MARCHF1: variants seen among roughly 807,000 people sequenced by gnomAD.
The protein encoded by MARCHF1 is membrane associated ring-CH-type finger 1, also known as E3 ubiquitin-protein ligase MARCHF1.
MARCHF1 carries 40 observed loss-of-function variants against 54.2 expected under a neutral mutation model. The observed-to-expected ratio is 0.74, with a 90% CI of 0.57 to 0.96. The LOEUF is 0.96. Ranked by LOEUF, MARCHF1 falls within the 40% of genes least tolerant of loss-of-function variation. The pLI is 0.00. For synonymous variants in MARCHF1, 236 were observed against 236.3 expected (o/e 1.00, Z 0.01); for missense variants, 586 against 656.5 (o/e 0.89, Z 1.17).
chr4:164,320,951 G>A (rs1288910357), intron 1 of MARCHF1, among the ~76,000 whole-genome samples: 1 of 152,166 alleles, frequency 6.6e-6, no homozygotes, highest in Non-Finnish European at 1.5e-5. Flanking sequence ...TCGGAATAGA[G>A]ATCTTATACA....
intron 1 of MARCHF1, among the ~76,000 whole-genome samples, chr4:164,120,272 G>A (rs1378850162): frequency 2.0e-5 from 3 of 151,932 alleles, no homozygotes; most frequent in African/African-American, 7.2e-5. Flanking sequence ...GTCCAACTCA[G>A]CAAGATAATC....
At chr4:164,003,000 C>T (rs1753215118) in intron 2 of MARCHF1, among the ~76,000 whole-genome samples, 2 of 151,640 alleles carry the variant, frequency 1.3e-5, no homozygotes, top group Non-Finnish European at 2.9e-5. Context: ...GTTAGCATTC[C>T]TGAACTACAA....
At chr4:164,258,232 A>C in intron 1 of MARCHF1, among the ~76,000 whole-genome samples, 1 of 152,036 alleles carries the variant, frequency 6.6e-6, no homozygotes, top group East Asian at 1.9e-4. Context: ...GGAACATCAC[A>C]CACAGGGCCT....
In MARCHF1 at chr4:163,937,004, A is replaced by G. The variant is rs547052188; in HGVS notation, c.-39+51497T>C. The stretch of plus-strand genomic sequence containing the variant: ...TAACAAGTTAAATGTATAGCTGTAT[A>G]AATGAAATCACTCTCACCTTCTCCC... On this transcript the variant is annotated intron_variant, in intron 3 of 9. Transcript: ENST00000514618. Among the ~76,000 whole-genome samples, 4 of 152,318 alleles carry G rather than the reference A, an allele frequency of 2.6e-5. No individual in the cohort carries two copies. In the East Asian group the frequency reaches 7.7e-4, roughly 29 times the overall value.
intron 1 of MARCHF1, among the ~76,000 whole-genome samples, chr4:164,181,368 C>T (rs1350741821): frequency 6.6e-6 from 1 of 152,114 alleles, no homozygotes. Flanking sequence ...TATGTATACA[C>T]ACACAAGCGC....
intron 2 of MARCHF1, among the ~76,000 whole-genome samples, chr4:164,085,011 A>G (rs1451428232): frequency 6.6e-6 from 1 of 151,842 alleles, no homozygotes; most frequent in Non-Finnish European, 1.5e-5. Context: ...GATATTTATT[A>G]TATCACTTCC....
chr4:164,141,494 C>T (rs913365072), intron 1 of MARCHF1, among the ~76,000 whole-genome samples: 1 of 152,196 alleles, frequency 6.6e-6, no homozygotes, highest in Non-Finnish European at 1.5e-5. Flanking sequence ...AAATCAGGCT[C>T]CTAGCTATTC....
chr4:163,530,349 T>C (rs1738304230), intron 9 of MARCHF1: 1 of 151,902 alleles, frequency 6.6e-6, no homozygotes, highest in South Asian at 2.1e-4. Context: ...ATGATCATCA[T>C]GTGATAAGAT....
chr4:163,557,395 C>G (rs754450716), intron 8 of MARCHF1, among the ~76,000 whole-genome samples: 24 of 152,166 alleles, frequency 1.6e-4, no homozygotes, highest in Admixed American at 3.9e-4. Flanking sequence ...TGGTTTGAAC[C>G]AAAGAAAGCT....
At chr4:164,078,059 C>A (rs1219789254) in intron 2 of MARCHF1, among the ~76,000 whole-genome samples, 1 of 152,140 alleles carries the variant, frequency 6.6e-6, no homozygotes, top group Non-Finnish European at 1.5e-5. Context: ...ATAAATCATT[C>A]CACTATAAAG....
At chr4:163,983,627 AT>A (rs1217586598) in intron 3 of MARCHF1, among the ~76,000 whole-genome samples, 6 of 152,318 alleles carry the variant, frequency 3.9e-5, no homozygotes, top group Non-Finnish European at 2.9e-5. Context: ...TGACCTGGTA[AT>A]AGAAAGAGCA....
intron 4 of MARCHF1, among the ~76,000 whole-genome samples, chr4:163,751,619 C>T (rs934896730): frequency 6.6e-6 from 1 of 151,588 alleles, no homozygotes; most frequent in Non-Finnish European, 1.5e-5. Context: ...AAACATTAAA[C>T]AAGAACTTAA....
At chr4:163,799,373 T>C (rs1362538036) in intron 4 of MARCHF1, among the ~76,000 whole-genome samples, 2 of 152,102 alleles carry the variant, frequency 1.3e-5, no homozygotes, top group African/African-American at 4.8e-5. Flanking sequence ...AGAATATACA[T>C]CTTATAGCAA....
intron 3 of MARCHF1, among the ~76,000 whole-genome samples, chr4:163,906,702 C>A (rs1751075004): frequency 6.6e-6 from 1 of 151,098 alleles, no homozygotes; most frequent in African/African-American, 2.4e-5. Context: ...TCTCAAAGTC[C>A]TATGAAAGTC....
intron 4 of MARCHF1, among the ~76,000 whole-genome samples, chr4:163,764,723 G>A (rs538448145): frequency 3.9e-5 from 6 of 152,162 alleles, no homozygotes; most frequent in African/African-American, 9.6e-5. Flanking sequence ...TCTATTAGAC[G>A]TAAAGGTGAG....
chr4:164,193,698 G>A (rs1007500559), intron 1 of MARCHF1, among the ~76,000 whole-genome samples: 9 of 152,064 alleles, frequency 5.9e-5, no homozygotes, highest in Non-Finnish European at 2.9e-5. Context: ...TAATTATTAT[G>A]ACATAAGAAA....
chr4:163,905,843 A>G (rs1250718920), intron 3 of MARCHF1, among the ~76,000 whole-genome samples: 1 of 152,024 alleles, frequency 6.6e-6, no homozygotes, highest in Non-Finnish European at 1.5e-5. Flanking sequence ...GGCTGAATGT[A>G]CTTCTCCCAC....
chr4:163,551,728 A>AG (rs1739113252), intron 8 of MARCHF1, among the ~76,000 whole-genome samples: 2 of 152,208 alleles, frequency 1.3e-5, no homozygotes, highest in South Asian at 4.1e-4. Context: ...TTGAATCATC[A>AG]GGATGGCTTC....
intron 1 of MARCHF1, among the ~76,000 whole-genome samples, chr4:164,377,323 C>T (rs537272829): frequency 5.3e-5 from 8 of 152,148 alleles, no homozygotes; most frequent in South Asian, 4.1e-4. Context: ...TCTAGAAATA[C>T]GTTCTGAGTT....
Sources: gnomAD v4.1 joint callset for allele counts (sites outside exome capture counted in the v4.1 genomes callset) on GRCh38, gnomAD v4.1.1 for gene constraint, MANE v1.5 for transcripts, NCBI Gene and HGNC (gene_info 2026-07-23, HGNC 2026-07-21) for gene names.